The following CPS1 variants were observed in gnomAD, a reference collection of about 807,000 sequenced individuals.
The protein encoded by CPS1 is carbamoyl-phosphate synthase [ammonia], mitochondrial.
In CPS1, 109 loss-of-function variants were observed where a neutral mutation model predicts 174.6. The ratio of observed to expected loss-of-function variants is 0.62; its 90% CI spans 0.53 to 0.73. The LOEUF (loss-of-function observed/expected upper bound fraction) is 0.73, where lower values mean the gene tolerates loss of function less well. Ranked by LOEUF, CPS1 falls within the 30% of genes least tolerant of loss-of-function variation. The pLI, the probability that CPS1 is intolerant of heterozygous loss-of-function variation, is 0.00. For missense variants in CPS1, 1,689 were observed against 1,821.9 expected (o/e 0.93, Z 1.33); for synonymous variants, 637 against 632.0 (o/e 1.01, Z -0.12).
At chr2:210,612,328 G>C (rs770236393) in intron 20 of CPS1, 35 bp downstream of exon 20, 1 of 1,608,266 alleles carries the variant, frequency 6.2e-7, no homozygotes, top group Non-Finnish European at 8.5e-7. Context: ...GCTACTAGTT[G>C]CTTTTCCAGA....
intron 18 of CPS1, among the ~76,000 whole-genome samples, chr2:210,608,059 G>T (rs1362022553): frequency 6.6e-6 from 1 of 151,820 alleles, no homozygotes; most frequent in Non-Finnish European, 1.5e-5. Context: ...ACAAATAAAG[G>T]TTAAACTTTA....
intron 1 of CPS1, among the ~76,000 whole-genome samples, chr2:210,543,943 C>A (rs955833341): frequency 1.3e-5 from 2 of 152,114 alleles, no homozygotes; most frequent in Admixed American, 6.6e-5. Flanking sequence ...GCTATCAGCA[C>A]TGGGACATGA....
At position 210,516,586 on chromosome 2, in the gene CPS1, CA is replaced by C. The variant is rs538540886; in HGVS notation, c.3+38821del. On this transcript the variant is annotated intron_variant, in intron 1 of 38. Transcript: ENST00000430249. The stretch of plus-strand genomic sequence containing the variant: ...TATTACTTCTCTGTTTAAACTCCTT[CA>C]GTAGTTCTGTAGAGCCTTTAGGACG... Among the ~76,000 whole-genome samples the C allele has an allele frequency of 2.8e-3, 433 of 152,044 alleles. 5 individuals are homozygous for C. Among genetic ancestry groups the C allele is most frequent in the African/African-American group, 9.6e-3 (398 of 41,526 alleles).
intron 21 of CPS1, among the ~76,000 whole-genome samples, chr2:210,636,998 T>A (rs116141479): frequency 6.6e-6 from 1 of 152,136 alleles, no homozygotes; most frequent in Non-Finnish European, 1.5e-5. Flanking sequence ...GGAGAGGATA[T>A]CCAAACTGAT....
intron 1 of CPS1, among the ~76,000 whole-genome samples, chr2:210,560,826 G>T (rs992002850): frequency 6.6e-6 from 1 of 152,160 alleles, no homozygotes; most frequent in African/African-American, 2.4e-5. Context: ...GTACACGTTA[G>T]ATGTAAGAGT....
intron 1 of CPS1, among the ~76,000 whole-genome samples, chr2:210,502,200 A>G (rs1054610111): frequency 6.6e-5 from 10 of 152,132 alleles, no homozygotes; most frequent in Middle Eastern, 6.8e-3. Flanking sequence ...TCACAACTCA[A>G]GGTGAGATTT....
chr2:210,546,991 G>A (rs1053546802), intron 1 of CPS1, among the ~76,000 whole-genome samples: 3 of 152,112 alleles, frequency 2.0e-5, no homozygotes, highest in African/African-American at 7.2e-5. Flanking sequence ...CTGAGGTGGT[G>A]AAAGAACACC....
intron 1 of CPS1, among the ~76,000 whole-genome samples, chr2:210,557,235 A>C (rs986931860): frequency 6.6e-5 from 10 of 152,114 alleles, no homozygotes; most frequent in Non-Finnish European, 1.5e-5. Context: ...TATGGTACAC[A>C]GTGTGTTAAG....
intron 21 of CPS1, among the ~76,000 whole-genome samples, chr2:210,630,983 T>C (rs570338551): frequency 6.6e-6 from 1 of 151,590 alleles, no homozygotes; most frequent in East Asian, 1.9e-4. Flanking sequence ...ATGTCATTAC[T>C]GAACGTCAGG....
intron 1 of CPS1, among the ~76,000 whole-genome samples, chr2:210,505,576 C>T (rs375521079): frequency 0.19 from 18 of 94 alleles, no homozygotes; most frequent in East Asian, 0.5. Flanking sequence ...GAGCATGAGC[C>T]GAAGCAGGGC....
Position 210,605,264 on chromosome 2 carries a change from A to G in CPS1, c.1981+18A>G. On this transcript the variant is annotated intron_variant, in intron 17 of 37. Transcript: ENST00000233072. Reference sequence around the variant, plus strand: ...TCACACAGGTAGGCAAAGTATCTTCAAGAACTATAGTAATGCTTTCAGTTC... The same window carrying G: ...TCACACAGGTAGGCAAAGTATCTTCGAGAACTATAGTAATGCTTTCAGTTC... 1 of 1,611,492 alleles carries G rather than the reference A, an allele frequency of 6.2e-7. No individual in the cohort carries two copies. Among genetic ancestry groups the G allele is most frequent in the African/African-American group, 1.3e-5 (1 of 74,860 alleles).
intron 1 of CPS1, among the ~76,000 whole-genome samples, chr2:210,518,580 G>A (rs994080720): frequency 2.0e-5 from 3 of 151,994 alleles, no homozygotes; most frequent in Admixed American, 6.6e-5. Flanking sequence ...GGCACCAGCA[G>A]CCATGTTGGA....
intron 1 of CPS1, among the ~76,000 whole-genome samples, chr2:210,504,966 TA>T (rs1421026222): frequency 6.6e-6 from 1 of 152,022 alleles, no homozygotes; most frequent in Non-Finnish European, 1.5e-5. Flanking sequence ...TAAATAGGAA[TA>T]GGGGCTGATA....
At chr2:210,540,391 ATATC>A (rs1306530547) in intron 1 of CPS1, among the ~76,000 whole-genome samples, 2 of 152,214 alleles carry the variant, frequency 1.3e-5, no homozygotes, top group Non-Finnish European at 2.9e-5. Flanking sequence ...GCTGCAATGA[ATATC>A]TATATATCTA....
chr2:210,514,092 A>T (rs1237678297), intron 1 of CPS1, among the ~76,000 whole-genome samples: 2 of 151,964 alleles, frequency 1.3e-5, no homozygotes, highest in Non-Finnish European at 2.9e-5. Flanking sequence ...GTAGCTTTAT[A>T]GTATAGTTTT....
intron 15 of CPS1, 97 bp downstream of exon 15, chr2:210,600,809 ATAC>A: frequency 1.5e-6 from 2 of 1,315,490 alleles, no homozygotes; most frequent in Non-Finnish European, 2.2e-6. Context: ...TAAGATTATT[ATAC>A]TTGCATGCAT....
chr2:210,573,878 T>C (rs955127307), intron 2 of CPS1, among the ~76,000 whole-genome samples: 6 of 152,090 alleles, frequency 3.9e-5, no homozygotes, highest in African/African-American at 1.4e-4. Context: ...AATTTTGCAC[T>C]CTAGTAAGAA....
At chr2:210,499,939 T>A (rs1361192138) in intron 1 of CPS1, among the ~76,000 whole-genome samples, 1 of 152,132 alleles carries the variant, frequency 6.6e-6, no homozygotes, top group East Asian at 1.9e-4. Flanking sequence ...TTCCCAAGAC[T>A]GGATAATTTA....
intron 1 of CPS1, among the ~76,000 whole-genome samples, chr2:210,538,655 T>A (rs1696322406): frequency 6.6e-6 from 1 of 152,134 alleles, no homozygotes; most frequent in South Asian, 2.1e-4. Flanking sequence ...GTGTACAACT[T>A]ATTAACTTTC....
Sources: gnomAD v4.1 joint callset for allele counts (sites outside exome capture counted in the v4.1 genomes callset) on GRCh38, gnomAD v4.1.1 for gene constraint, MANE v1.5 for transcripts, NCBI Gene and HGNC (gene_info 2026-07-23, HGNC 2026-07-21) for gene names.